HADHB: variants seen among roughly 807,000 people sequenced by gnomAD.
HADHB encodes the protein trifunctional enzyme subunit beta, mitochondrial.
In HADHB, 50 loss-of-function variants were observed where a neutral mutation model predicts 61.9. That is an observed-to-expected ratio of 0.81 (90% CI 0.64 to 1.02). HADHB has a LOEUF of 1.02. Among genes scored for constraint, HADHB ranks in the 50% least tolerant of loss-of-function variants. HADHB has a pLI of 0.00. For synonymous variants in HADHB, 191 were observed against 201.6 expected, an observed-to-expected ratio of 0.95 and a Z score of 0.45; for missense variants, 504 against 586.5, an observed-to-expected ratio of 0.86 and a Z score of 1.45.
At chr2:26,272,589 TC>T (rs1411824678) in intron 5 of HADHB, among the ~76,000 whole-genome samples, 2 of 151,490 alleles carry the variant, frequency 1.3e-5, no homozygotes, top group African/African-American at 2.4e-5. Flanking sequence ...CCTCAAGTGA[TC>T]CGCCTGCCTC....
rs1048783123 is a variant in HADHB at position 26,278,428 on chromosome 2, G to A, written c.443-186G>A. Among the ~76,000 whole-genome samples the A allele has an allele frequency of 3.3e-5, 5 of 152,206 alleles. 1 individual carries two copies. In the South Asian group the frequency reaches 6.2e-4, roughly 19 times the overall value. ...GGAATGAAACTTGTTTTTCTCTAAC[G>A]TGTTGAATGTGTTTTTAGTCATTTA... On this transcript the variant is annotated intron_variant, in intron 7 of 15. Coordinates refer to ENST00000317799, the MANE Select transcript of HADHB (RefSeq NM_000183.3).
chr2:26,278,005 G>A (rs1458518215), intron 7 of HADHB, among the ~76,000 whole-genome samples: 1 of 152,192 alleles, frequency 6.6e-6, no homozygotes, highest in Non-Finnish European at 1.5e-5. Context: ...TGTAGCATCA[G>A]CTCTTAGTGT....
intron 4 of HADHB, among the ~76,000 whole-genome samples, chr2:26,268,490 C>T (rs903645484): frequency 8.5e-5 from 13 of 152,202 alleles, no homozygotes; most frequent in African/African-American, 3.1e-4. Context: ...CCCAAATCAT[C>T]ACTTTAACAT....
At chr2:26,270,715 G>C (rs902290809) in intron 5 of HADHB, among the ~76,000 whole-genome samples, 29 of 152,072 alleles carry the variant, frequency 1.9e-4, no homozygotes, top group African/African-American at 7.0e-4. Flanking sequence ...CTTAATAATG[G>C]TTTTATGATT....
Position 26,280,008 on chromosome 2 carries a change from A to G in HADHB, c.826A>G (p.Thr276Ala). 1 of 1,609,112 alleles carries G rather than the reference A, an allele frequency of 6.2e-7. No individual in the cohort carries two copies. Among genetic ancestry groups the G allele is most frequent in the Non-Finnish European group, 8.5e-7 (1 of 1,177,004 alleles). The change falls in exon 10 of 16, where the codon ACC (threonine) becomes GCC (alanine). Residue 276 changes from threonine (T) to alanine (A), a missense_variant. By Grantham distance (58) the Thr-to-Ala change is moderately conservative. Transcript: ENST00000317799. ...PFKVPGKDTV[T>A]KDNGIRPSSL... Reference sequence around the variant, plus strand: ...TTTTTTAATAGGAAAAGATACAGTTACCAAAGATAATGGCATCCGTCCTTC... The same window carrying G: ...TTTTTTAATAGGAAAAGATACAGTTGCCAAAGATAATGGCATCCGTCCTTC...
rs763678702 is a variant in HADHB, at chr2:26,284,211, A to T, written c.1149+7A>T. The T allele has an allele frequency of 1.1e-5, 16 of 1,402,536 alleles. No individual in the cohort carries two copies. The allele number at this position is 1,402,536 out of a possible 1,614,324, so 86.9% of individuals were successfully genotyped here. On this transcript the variant is annotated splice_region_variant and intron_variant, in intron 13 of 15. Coordinates refer to ENST00000317799, the MANE Select transcript of HADHB (RefSeq NM_000183.3). ...ATTTCATGAAGCTTTCTCGGTAAGT[A>T]ATTTGAAAGACACATATGAAGGGAC...
chr2:26,285,407 G>A lies in HADHB; in HGVS notation c.1225G>A (p.Val409Ile), dbSNP rs1672983008. 1.2e-6 allele frequency: 2 copies of A among 1,613,180 alleles called. No individual in the cohort carries two copies. The highest frequency in any genetic ancestry group is 1.3e-5 in the African/African-American group (1 of 74,900). Reference protein sequence around the residue: ...AENYMGRKTKVGLPPLEKFNN... With the variant: ...AENYMGRKTKIGLPPLEKFNN... ...ACATTTGTGTCTTTGGGGGAGCCAG[G>A]TTGGATTGCCTCCTTTGGAGAAGTT... The change falls in exon 15 of 16, where the codon GTT (valine) becomes ATT (isoleucine). Residue 409 changes from valine to isoleucine, a missense_variant and splice_region_variant. Physicochemically the swap from Val to Ile is conservative, Grantham distance 29. Coordinates refer to ENST00000317799, the MANE Select transcript of HADHB (RefSeq NM_000183.3).
intron 6 of HADHB, among the ~76,000 whole-genome samples, chr2:26,274,105 CAT>C (rs1280594947): frequency 6.6e-6 from 1 of 152,200 alleles, no homozygotes; most frequent in Non-Finnish European, 1.5e-5. Flanking sequence ...AAAATTTCAA[CAT>C]GTTGCAGAGA....
chr2:26,252,382 G>T (rs1023066862), intron 1 of HADHB, among the ~76,000 whole-genome samples: 6 of 152,096 alleles, frequency 3.9e-5, no homozygotes, highest in African/African-American at 1.2e-4. Flanking sequence ...TTGATTTTTT[G>T]TTGTTGTTGT....
rs531007012 is a variant in HADHB at position 26,269,893 on chromosome 2, T to G, written c.210-60T>G. The G allele has an allele frequency of 1.0e-5, 11 of 1,095,308 alleles. No homozygotes were observed. In the East Asian group the frequency reaches 1.9e-4, roughly 19 times the overall value. 67.8% of individuals were successfully genotyped at this position (1,095,308 alleles called of 1,614,324 possible). A position where few individuals can be genotyped will look rare whatever the true frequency, so the allele number is the denominator to read the frequency against. ...TGATCTCTGGGTATTTCAAATAGAATGAAAATTTTTCATTGAAGCTCTAGG... is the reference window on the plus strand; with the variant it reads ...TGATCTCTGGGTATTTCAAATAGAAGGAAAATTTTTCATTGAAGCTCTAGG... On this transcript the variant is annotated intron_variant, in intron 4 of 15. Transcript: ENST00000317799.
chr2:26,279,244 G>A lies in HADHB; in HGVS notation c.740G>A (p.Arg247His), dbSNP rs121913133. ...CTGGAACAGGATGAATATGCACTGC[G>A]CTCTCACAGTCTAGCCAAGAAGGCA... Reference protein sequence around the residue: ...SRLEQDEYALRSHSLAKKAQD... With the variant: ...SRLEQDEYALHSHSLAKKAQD... The change falls in exon 9 of 16, where the codon CGC becomes CAC. Residue 247 changes from arginine (R) to histidine (H), a missense_variant. By Grantham distance (29) the Arg-to-His change is conservative (BLOSUM62 0). Coordinates refer to ENST00000317799, the MANE Select transcript of HADHB (RefSeq NM_000183.3). 16 of 1,613,092 alleles carry A rather than the reference G, an allele frequency of 9.9e-6. No homozygotes were observed. The highest frequency in any genetic ancestry group is 1.3e-5 in the Non-Finnish European group (15 of 1,179,164).
chr2:26,284,643 T>G (rs1331497747), intron 13 of HADHB, among the ~76,000 whole-genome samples: 1 of 152,026 alleles, frequency 6.6e-6, no homozygotes, highest in African/African-American at 2.4e-5. Flanking sequence ...TTTTTTATAT[T>G]TTTAATAGAG....
At chr2:26,283,231 T>A (rs910570523) in intron 12 of HADHB, among the ~76,000 whole-genome samples, 180 bp downstream of exon 12, 2 of 152,014 alleles carry the variant, frequency 1.3e-5, no homozygotes, top group Admixed American at 6.6e-5. Flanking sequence ...TTAAAAAAAA[T>A]AATAGTAATC....
intron 3 of HADHB, among the ~76,000 whole-genome samples, chr2:26,257,371 C>T (rs1199947735): frequency 3.3e-5 from 5 of 151,740 alleles, no homozygotes; most frequent in Non-Finnish European, 4.4e-5. Context: ...CTGCCCACCT[C>T]GGCCTCCCAA....
At position 26,254,471 on chromosome 2, in the gene HADHB, C is replaced by G; in HGVS notation, c.106C>G (p.Pro36Ala). The G allele has an allele frequency of 1.9e-6, 3 of 1,564,402 alleles. No homozygotes were observed. The South Asian group carries it at 3.3e-5, about 17-fold the overall frequency. ...CTGTTCCTCCCAGCTACGAGCTGCC[C>G]CAGGTACAGTAATTTGTAAAATAAA... ...LSCSSQLRAAPAVQTKTKKTL... is the reference protein window; with the variant it reads ...LSCSSQLRAAAAVQTKTKKTL... Residue 36 changes from proline to alanine, a missense_variant, in exon 3 of 16, where the codon CCA becomes GCA. By Grantham distance (27) the Pro-to-Ala change is conservative (BLOSUM62 -1). Coordinates refer to ENST00000317799, the MANE Select transcript of HADHB (RefSeq NM_000183.3).
rs533067831 is a variant in HADHB, at chr2:26,259,852, C to A, written c.110-3528C>A. Among the ~76,000 whole-genome samples the A allele has an allele frequency of 6.8e-4, 104 of 151,974 alleles. 1 individual carries two copies. Among genetic ancestry groups the A allele is most frequent in the South Asian group, 5.8e-3 (28 of 4,812 alleles). ...GAGGCCCAAGAGACAGGTAAGAATT[C>A]GATGGGCAAAAAAGGGGCCAGGCAG... is the stretch of plus-strand genomic sequence containing the variant. On this transcript the variant is annotated intron_variant, in intron 3 of 15. Coordinates refer to ENST00000317799, the MANE Select transcript of HADHB (RefSeq NM_000183.3).
At chr2:26,285,122 T>C (rs1353995457) in intron 14 of HADHB, among the ~76,000 whole-genome samples, 165 bp downstream of exon 14, 1 of 152,206 alleles carries the variant, frequency 6.6e-6, no homozygotes, top group Non-Finnish European at 1.5e-5. Context: ...GAAATTCTTG[T>C]ATTTCATTAA....
chr2:26,287,501 GT>G lies in HADHB; in HGVS notation c.1389+1932del, dbSNP rs553028495. Reference sequence around the variant, plus strand: ...GTAATGTCTGCAGATTTGAGTATGTGTTCCCTAATTCTTTATCTAGCATGTA... The same window carrying G: ...GTAATGTCTGCAGATTTGAGTATGTGTCCCTAATTCTTTATCTAGCATGTA... On this transcript the variant is annotated intron_variant, in intron 15 of 15. Coordinates refer to ENST00000317799, the MANE Select transcript of HADHB (RefSeq NM_000183.3). 9.2e-5 allele frequency among the ~76,000 whole-genome samples: 14 copies of G among 152,260 alleles called. 1 individual carries two copies. The South Asian group carries it at 2.7e-3, about 29-fold the overall frequency.
intron 1 of HADHB, among the ~76,000 whole-genome samples, chr2:26,250,217 T>G (rs749630811): frequency 6.6e-6 from 1 of 152,266 alleles, no homozygotes; most frequent in Non-Finnish European, 1.5e-5. Context: ...TTGGTCAGGC[T>G]GGTCTTGAAC....
Sources: allele counts gnomAD v4.1 joint callset (sites outside exome capture counted in the v4.1 genomes callset), GRCh38; gene constraint gnomAD v4.1.1; transcripts MANE v1.5; gene names NCBI Gene and HGNC (gene_info 2026-07-23, HGNC 2026-07-21).